The following SPMIP3 variants were observed in gnomAD, a reference collection of about 807,000 sequenced individuals.
SPMIP3 encodes the protein protein SPMIP3.
chr1:244,362,002 C>T, the SPMIP3 span, among the ~76,000 whole-genome samples: 1 of 152,214 alleles, frequency 6.6e-6, no homozygotes, highest in South Asian at 2.1e-4. Flanking sequence ...TTTCTTCCTT[C>T]TTTCTCTTTC....
At chr1:244,365,873 T>C in the SPMIP3 span, among the ~76,000 whole-genome samples, 2 of 152,208 alleles carry the variant, frequency 1.3e-5, no homozygotes, top group Non-Finnish European at 2.9e-5. Context: ...AAACTGCTCC[T>C]GTGCTTCCTC....
chr1:244,373,845 G>A, the SPMIP3 span, among the ~76,000 whole-genome samples: 1 of 152,066 alleles, frequency 6.6e-6, no homozygotes, highest in Non-Finnish European at 1.5e-5. Flanking sequence ...CGGGTGCAGT[G>A]GCTCATGCCT....
chr1:244,363,562 G>GT, the SPMIP3 span, among the ~76,000 whole-genome samples: 1 of 152,174 alleles, frequency 6.6e-6, no homozygotes, highest in African/African-American at 2.4e-5. Flanking sequence ...GGCTCTGGGT[G>GT]GGGCCCCCAG....
At chr1:244,368,324 G>C in the SPMIP3 span, among the ~76,000 whole-genome samples, 1 of 152,160 alleles carries the variant, frequency 6.6e-6, no homozygotes, top group Non-Finnish European at 1.5e-5. Context: ...AAACACTTCT[G>C]AAGCTCTTAC....
chr1:244,388,852 A>G, the SPMIP3 span: 1 of 907,858 alleles, frequency 1.1e-6, no homozygotes, highest in Non-Finnish European at 1.7e-6. Context: ...AAACCCCAAA[A>G]GTTATTTTGT....
the SPMIP3 span, among the ~76,000 whole-genome samples, chr1:244,382,790 G>T: frequency 1.3e-4 from 19 of 151,878 alleles, no homozygotes; most frequent in South Asian, 2.1e-4. Flanking sequence ...TTTTAGTAGA[G>T]GTGCGGTTTC....
chr1:244,369,284 A>G, the SPMIP3 span, among the ~76,000 whole-genome samples: 17 of 152,256 alleles, frequency 1.1e-4, no homozygotes, highest in Non-Finnish European at 2.4e-4. Context: ...TACTCCTGAA[A>G]AGATCACTTT....
the SPMIP3 span, among the ~76,000 whole-genome samples, chr1:244,375,690 G>A: frequency 1.3e-5 from 2 of 151,754 alleles, no homozygotes; most frequent in South Asian, 4.2e-4. Flanking sequence ...TTTGAGAAAA[G>A]GTATTGCTCT....
the SPMIP3 span, among the ~76,000 whole-genome samples, chr1:244,382,241 T>C: frequency 6.6e-6 from 1 of 151,612 alleles, no homozygotes; most frequent in African/African-American, 2.4e-5. Context: ...AAATCATAGA[T>C]TGTGGTAGTG....
the SPMIP3 span, among the ~76,000 whole-genome samples, chr1:244,372,926 C>T: frequency 1.3e-5 from 2 of 152,174 alleles, no homozygotes; most frequent in Admixed American, 1.3e-4. Context: ...GTCTTGGACA[C>T]TTCCCTGTCT....
At chr1:244,384,432 G>A in the SPMIP3 span, among the ~76,000 whole-genome samples, 27 of 152,134 alleles carry the variant, frequency 1.8e-4, no homozygotes, top group African/African-American at 5.5e-4. Flanking sequence ...TCAAACTCCC[G>A]GGCTCAAGCA....
At chr1:244,374,589 T>C in the SPMIP3 span, among the ~76,000 whole-genome samples, 2 of 39,858 alleles carry the variant, frequency 5.0e-5, no homozygotes, top group Non-Finnish European at 5.0e-5. Flanking sequence ...ACATTTCTCT[T>C]TTTTTTTTTT....
At chr1:244,386,654 G>A in the SPMIP3 span, among the ~76,000 whole-genome samples, 1 of 152,162 alleles carries the variant, frequency 6.6e-6, no homozygotes, top group African/African-American at 2.4e-5. Flanking sequence ...AAAAAAACTT[G>A]AAAAGTCATG....
chr1:244,377,204 C>T, the SPMIP3 span, among the ~76,000 whole-genome samples: 4 of 150,976 alleles, frequency 2.6e-5, no homozygotes, highest in African/African-American at 9.7e-5. Flanking sequence ...TCACTGCAAG[C>T]TCCGCCCCCC....
At chr1:244,375,303 C>A in the SPMIP3 span, 1 of 1,258,590 alleles carries the variant, frequency 7.9e-7, no homozygotes. Context: ...TATGCCGCAG[C>A]TGGCATTCTT....
the SPMIP3 span, chr1:244,352,668 G>A: frequency 6.6e-6 from 1 of 152,262 alleles, no homozygotes; most frequent in Non-Finnish European, 1.5e-5. Context: ...GGAGGCAGCT[G>A]TACCCATCAC....
the SPMIP3 span, among the ~76,000 whole-genome samples, chr1:244,356,477 C>T: frequency 1.3e-5 from 2 of 152,136 alleles, no homozygotes; most frequent in Non-Finnish European, 2.9e-5. Context: ...TGAAAATTAA[C>T]TTTGAGGAAG....
the SPMIP3 span, among the ~76,000 whole-genome samples, chr1:244,377,066 C>T: frequency 1.3e-5 from 2 of 152,082 alleles, no homozygotes; most frequent in Non-Finnish European, 2.9e-5. Flanking sequence ...CCTCGGCCTC[C>T]CAAAGTGATG....
chr1:244,361,518 C>T, the SPMIP3 span, among the ~76,000 whole-genome samples: 3 of 151,992 alleles, frequency 2.0e-5, no homozygotes, highest in Admixed American at 6.6e-5. Context: ...CGTGAGCCAC[C>T]GCGCCCGGCC....
Sources: gnomAD v4.1 joint callset for allele counts (sites outside exome capture counted in the v4.1 genomes callset) on GRCh38, gnomAD v4.1.1 for gene constraint, MANE v1.5 for transcripts, NCBI Gene and HGNC (gene_info 2026-07-23, HGNC 2026-07-21) for gene names.